Variants in SHANK1 observed in about 807,000 individuals in gnomAD.
SHANK1 encodes the protein SH3 and multiple ankyrin repeat domains protein 1.
SHANK1 carries 35 observed loss-of-function variants against 165.6 expected under a neutral mutation model. The ratio of observed to expected loss-of-function variants is 0.21; its 90% CI spans 0.16 to 0.28. SHANK1 has a LOEUF of 0.28. SHANK1 is among the 10% of genes least tolerant of loss of function. SHANK1 has a pLI of 1.00. For missense variants in SHANK1, 2,681 were observed against 3,036.4 expected (o/e 0.88, Z 2.75); for synonymous variants, 1,428 against 1,384.8 (o/e 1.03, Z -0.69).
At chr19:50,715,129 C>A (rs1248726207) in intron 4 of SHANK1, among the ~76,000 whole-genome samples, 2 of 152,072 alleles carry the variant, frequency 1.3e-5, no homozygotes, top group Non-Finnish European at 2.9e-5. Context: ...TCCCAGCTCT[C>A]ACCATCGAGA....
intron 21 of SHANK1, among the ~76,000 whole-genome samples, chr19:50,679,419 G>T (rs906945039): frequency 6.6e-6 from 1 of 152,092 alleles, no homozygotes; most frequent in Non-Finnish European, 1.5e-5. Context: ...AGGGTGACAG[G>T]AGAGATGTCA....
intron 8 of SHANK1, among the ~76,000 whole-genome samples, chr19:50,707,495 T>C (rs2088953943): frequency 6.6e-6 from 1 of 151,970 alleles, no homozygotes; most frequent in Admixed American, 6.5e-5. Flanking sequence ...AGAGGGCAGA[T>C]GCTACGCCCA....
Position 50,703,509 on chromosome 19 carries a change from C to T in SHANK1, c.1544G>A (p.Gly515Asp). The change falls in exon 11 of 24, where the codon GGC (glycine) becomes GAC (aspartate). Residue 515 changes from glycine (G) to aspartate (D), a missense_variant. Gly to Asp is a moderately conservative substitution (Grantham distance 94). Around this residue, in one of 10 missense-constraint regions of SHANK1, gnomAD observed 195 missense variants for 186.2 expected, o/e 1.05. Transcript: ENST00000293441. Reference sequence around the variant, plus strand: ...GGGCTGCCTCCCCTACCTGGGCCGGCCTCGGGGCTGCCTCTTGGCGTCCTC... The same window carrying T: ...GGGCTGCCTCCCCTACCTGGGCCGGTCTCGGGGCTGCCTCTTGGCGTCCTC... ...HPEDAKRQPR[G>D]RPSSSGTPRE... 1 of 1,540,310 alleles carries T rather than the reference C, an allele frequency of 6.5e-7. No individual in the cohort carries two copies. Among genetic ancestry groups the T allele is most frequent in the Admixed American group, 1.9e-5 (1 of 51,680 alleles).
At position 50,662,612 on chromosome 19, in the gene SHANK1, G is replaced by A. The variant is rs1173171057; in HGVS notation, c.5839C>T (p.Pro1947Ser). The A allele has an allele frequency of 6.4e-7, 1 of 1,563,912 alleles. No individual in the cohort carries two copies. The highest frequency in any genetic ancestry group is 2.4e-5 in the East Asian group (1 of 41,962). Reference sequence around the variant, plus strand: ...CCGGTGGGGAGTGGCGGCAGAGGTGGTTTGGGCCAGTTCTGAAACAGGCTG... The same window carrying A: ...CCGGTGGGGAGTGGCGGCAGAGGTGATTTGGGCCAGTTCTGAAACAGGCTG... ...VSSLFQNWPK[P>S]PLPPLPTGTG... Residue 1947 changes from proline to serine, a missense_variant, in exon 24 of 24, where the codon CCA becomes TCA. This residue lies in a region of SHANK1 where 1,713 missense variants were observed against 1,630.2 expected (regional missense o/e 1.05). Transcript: ENST00000293441. The surrounding 1 kb of genome is among the most constrained non-coding windows in gnomAD (Gnocchi z 7.7).
At chr19:50,672,512 C>T (rs2123095869) in intron 21 of SHANK1, among the ~76,000 whole-genome samples, 2 of 134,138 alleles carry the variant, frequency 1.5e-5, no homozygotes, top group South Asian at 4.7e-4. Context: ...GCCAAGATCA[C>T]ACCACTGCAC....
chr19:50,662,265 G>T lies in SHANK1; in HGVS notation c.6186C>A (p.Ser2062=). ...PVFVPPHPGI[S]GGLGGALSGA... ...CTGACAAGGCTCCCCCGAGCCCCCCGGATATCCCCGGGTGTGGCGGCACAA... is the reference window on the plus strand; with the variant it reads ...CTGACAAGGCTCCCCCGAGCCCCCCTGATATCCCCGGGTGTGGCGGCACAA... Residue 2062 remains serine, a synonymous_variant, in exon 24 of 24, where the codon TCC becomes TCA. Coordinates refer to ENST00000293441, the MANE Select transcript of SHANK1 (RefSeq NM_016148.5). This position sits in a 1 kb window ranked among gnomAD's most constrained non-coding sequence, Gnocchi z 7.7. The T allele has an allele frequency of 6.2e-7, 1 of 1,611,346 alleles. No homozygotes were observed. The highest frequency in any genetic ancestry group is 8.5e-7 in the Non-Finnish European group (1 of 1,178,166).
chr19:50,677,731 C>T (rs68187152), intron 21 of SHANK1, among the ~76,000 whole-genome samples: 52,174 of 152,056 alleles, frequency 0.34, 11,061 homozygotes, highest in Admixed American at 0.5. Flanking sequence ...CCAGCCTGTT[C>T]CTCTGAACAT....
intron 21 of SHANK1, among the ~76,000 whole-genome samples, chr19:50,678,795 G>A (rs1197266743): frequency 8.8e-5 from 2 of 22,652 alleles, no homozygotes; most frequent in Non-Finnish European, 8.3e-5. Context: ...AGGGTGATGG[G>A]GAGGGGTCAA....
intron 8 of SHANK1, among the ~76,000 whole-genome samples, chr19:50,707,315 C>T (rs1040651471): frequency 6.6e-6 from 1 of 152,188 alleles, no homozygotes; most frequent in Non-Finnish European, 1.5e-5. Flanking sequence ...TGTCCTCTCC[C>T]TTTTATCTTG....
chr19:50,680,633 T>G (rs1444920585), intron 21 of SHANK1, among the ~76,000 whole-genome samples: 1 of 150,670 alleles, frequency 6.6e-6, no homozygotes, highest in Admixed American at 6.6e-5. Context: ...TCTCCCAGTT[T>G]CCAAGTCCTT....
At position 50,667,371 on chromosome 19, in the gene SHANK1, G is replaced by T. The variant is rs764051197; in HGVS notation, c.4589C>A (p.Ser1530Tyr). The T allele has an allele frequency of 1.3e-6, 2 of 1,536,834 alleles. No homozygotes were observed. The highest frequency in any genetic ancestry group is 4.6e-5 in the East Asian group (2 of 43,672). Residue 1530 changes from serine to tyrosine, a missense_variant, in exon 23 of 24, where the codon TCC becomes TAC. Physicochemically the swap from Ser to Tyr is moderately radical, Grantham distance 144. This residue lies in a region of SHANK1 where 1,713 missense variants were observed against 1,630.2 expected (regional missense o/e 1.05). Coordinates refer to ENST00000293441, the MANE Select transcript of SHANK1 (RefSeq NM_016148.5). The surrounding 1 kb of genome is among the most constrained non-coding windows in gnomAD (Gnocchi z 5.7). ...PPSPRRSVPPSPTSPRASEEN... is the reference protein window; with the variant it reads ...PPSPRRSVPPYPTSPRASEEN... Reference sequence around the variant, plus strand: ...TTCGCTGGCCCTCGGGGAGGTCGGGGAGGGGGGCACGGACCGGCGTGGGCT... The same window carrying T: ...TTCGCTGGCCCTCGGGGAGGTCGGGTAGGGGGGCACGGACCGGCGTGGGCT...
At chr19:50,706,487 A>G (rs913977060) in intron 8 of SHANK1, among the ~76,000 whole-genome samples, 2 of 151,354 alleles carry the variant, frequency 1.3e-5, no homozygotes, top group Admixed American at 6.6e-5. Context: ...CTGCCCTGCC[A>G]CTCCCCACCC....
In SHANK1 at chr19:50,716,159, C is replaced by G; in HGVS notation, c.459+116G>C. 1 of 931,600 alleles carries G rather than the reference C, an allele frequency of 1.1e-6. No homozygotes were observed. The allele number at this position is 931,600 out of a possible 1,614,324, so 57.7% of individuals were successfully genotyped here. A position where few individuals can be genotyped will look rare whatever the true frequency, so the allele number is the denominator to read the frequency against. On this transcript the variant is annotated intron_variant, in intron 3 of 23. Transcript: ENST00000293441. The surrounding 1 kb of genome is among the most constrained non-coding windows in gnomAD (Gnocchi z 8.4). Reference sequence around the variant, plus strand: ...CCCTGTGATGCTTAGAAGGTCTGGACTCGCACACTGGGTGCCCCCTCGTTA... The same window carrying G: ...CCCTGTGATGCTTAGAAGGTCTGGAGTCGCACACTGGGTGCCCCCTCGTTA...
Position 50,686,665 on chromosome 19 carries a change from G to T in SHANK1, c.2458+79C>A. ...GGCAGGAAGGTGAGGGGCGCCGTGG[G>T]GTTCATGGTGGGACAGGGATGCAGC... On this transcript the variant is annotated intron_variant, in intron 20 of 23. Transcript: ENST00000293441. This position sits in a 1 kb window ranked among gnomAD's most constrained non-coding sequence, Gnocchi z 5.7. The T allele has an allele frequency of 1.5e-6, 2 of 1,343,570 alleles. No individual in the cohort carries two copies. Among genetic ancestry groups the T allele is most frequent in the Non-Finnish European group, 1.1e-6 (1 of 948,524 alleles). The allele number at this position is 1,343,570 out of a possible 1,614,324, so 83.2% of individuals were successfully genotyped here.
Position 50,659,571 on chromosome 19 carries a change from C to A in SHANK1, c.*2394G>T, listed in dbSNP as rs556259688. ...CCCCCTCCTCTTCCCCTCCCACCCC[C>A]CCTTGGAAGACAATTCTCGGGCTTT... On this transcript the variant is annotated 3_prime_UTR_variant, in exon 24 of 24. Coordinates refer to ENST00000293441, the MANE Select transcript of SHANK1 (RefSeq NM_016148.5). 1.0e-4 allele frequency among the ~76,000 whole-genome samples: 15 copies of A among 149,678 alleles called. No homozygotes were observed. The highest frequency in any genetic ancestry group is 8.1e-4 in the East Asian group (4 of 4,968).
At position 50,668,646 on chromosome 19, in the gene SHANK1, C is replaced by T. The variant is rs2123084212; in HGVS notation, c.3314G>A (p.Gly1105Asp). 1.5e-6 allele frequency: 2 copies of T among 1,365,088 alleles called. No homozygotes were observed. The highest frequency in any genetic ancestry group is 1.9e-6 in the Non-Finnish European group (2 of 1,057,806). 84.6% of individuals were successfully genotyped at this position (1,365,088 alleles called of 1,614,324 possible). Reference protein sequence around the residue: ...AMYVPARSGRGRKGPLVKQTK... With the variant: ...AMYVPARSGRDRKGPLVKQTK... The stretch of plus-strand genomic sequence containing the variant: ...CTGCTTGACCAGCGGGCCCTTGCGG[C>T]CGCGGCCCGAGCGGGCGGGCACGTA... The change falls in exon 23 of 24, where the codon GGC becomes GAC. Residue 1105 changes from glycine (G) to aspartate (D), a missense_variant. Around this residue, in one of 10 missense-constraint regions of SHANK1, gnomAD observed 1,713 missense variants for 1,630.2 expected, o/e 1.05. Transcript: ENST00000293441.
rs768216072 is a variant in SHANK1, at chr19:50,697,574, T to C, written c.1937+15A>G. 1 of 1,607,228 alleles carries C rather than the reference T, an allele frequency of 6.2e-7. No individual in the cohort carries two copies. The highest frequency in any genetic ancestry group is 8.5e-7 in the Non-Finnish European group (1 of 1,173,822). On this transcript the variant is annotated intron_variant, in intron 14 of 23. Transcript: ENST00000293441. This position sits in a 1 kb window ranked among gnomAD's most constrained non-coding sequence, Gnocchi z 4.7. ...TGGGGTGAGGGGGGTTGCCCGAGGGTGTAAGGACATTTACCTTGGGGCATC... is the reference window on the plus strand; with the variant it reads ...TGGGGTGAGGGGGGTTGCCCGAGGGCGTAAGGACATTTACCTTGGGGCATC...
chr19:50,705,915 G>A (rs2088933288), intron 8 of SHANK1, among the ~76,000 whole-genome samples: 1 of 152,172 alleles, frequency 6.6e-6, no homozygotes, highest in Non-Finnish European at 1.5e-5. Flanking sequence ...CCAGCACTTT[G>A]GGAAGCCGAG....
chr19:50,702,461 G>T lies in SHANK1; in HGVS notation c.1747+6C>A. 1 of 1,607,062 alleles carries T rather than the reference G, an allele frequency of 6.2e-7. No homozygotes were observed. Among genetic ancestry groups the T allele is most frequent in the Non-Finnish European group, 8.5e-7 (1 of 1,176,500 alleles). ...CCAGCCCAGGCCCTGCTTCCACCCT[G>T]GGTACCTTTGATCTTCTCGCCCTTG... On this transcript the variant is annotated splice_donor_region_variant and intron_variant, in intron 12 of 23. Transcript: ENST00000293441. The surrounding 1 kb of genome is among the most constrained non-coding windows in gnomAD (Gnocchi z 5.3).
Sources: allele counts gnomAD v4.1 joint callset (sites outside exome capture counted in the v4.1 genomes callset), GRCh38; gene constraint gnomAD v4.1.1; regional missense constraint gnomAD v4.1.1; non-coding constraint Gnocchi (gnomAD v3.1); transcripts MANE v1.5; gene names NCBI Gene and HGNC (gene_info 2026-07-23, HGNC 2026-07-21).